AGTPBP1: variants seen among roughly 807,000 people sequenced by gnomAD.
AGTPBP1 encodes the protein ATP/GTP binding carboxypeptidase 1.
In AGTPBP1, 70 loss-of-function variants were observed where a neutral mutation model predicts 143.9. That is an observed-to-expected ratio of 0.49 (90% CI 0.40 to 0.59). The LOEUF is 0.59. AGTPBP1 is among the 20% of genes least tolerant of loss of function. The pLI, the probability that AGTPBP1 is intolerant of heterozygous loss-of-function variation, is 0.00. For missense variants in AGTPBP1, 1,229 were observed against 1,464.5 expected (o/e 0.84, Z 2.62); for synonymous variants, 463 against 500.2 (o/e 0.93, Z 0.99).
intron 1 of AGTPBP1, 31 bp downstream of exon 1, chr9:85,741,744 C>A (rs1473820841): frequency 2.3e-6 from 3 of 1,288,986 alleles, no homozygotes; most frequent in Non-Finnish European, 2.9e-6. Flanking sequence ...GACGGCCGGC[C>A]GGGACATGAG....
chr9:85,677,524 C>G lies in AGTPBP1; in HGVS notation c.348G>C (p.Gln116His). 6.2e-7 allele frequency: 1 copy of G among 1,602,198 alleles called. No individual in the cohort carries two copies. Among genetic ancestry groups the G allele is most frequent in the Non-Finnish European group, 8.5e-7 (1 of 1,174,414 alleles). ...ATTCTTTGCTGGCATTCATAAGTAA[C>G]TGCAACAATATTTGTGAACCACCTT... ...VTKGGSQILL[Q>H]LLMNASKESP... Residue 116 changes from glutamine to histidine, a missense_variant, in exon 6 of 26, where the codon CAG becomes CAC. Coordinates refer to ENST00000357081, the MANE Select transcript of AGTPBP1 (RefSeq NM_001330701.2).
chr9:85,682,435 C>T (rs748923599), intron 3 of AGTPBP1, among the ~76,000 whole-genome samples: 2 of 152,144 alleles, frequency 1.3e-5, no homozygotes, highest in African/African-American at 2.4e-5. Context: ...CTGTACAAGT[C>T]GCTGAGCAAA....
chr9:85,743,458 G>C (rs749805691), upstream of AGTPBP1, among the ~76,000 whole-genome samples: 19 of 152,050 alleles, frequency 1.2e-4, no homozygotes, highest in African/African-American at 2.2e-4. Flanking sequence ...TATGTTTTGC[G>C]GTAATTAAGA....
intron 25 of AGTPBP1, among the ~76,000 whole-genome samples, chr9:85,560,218 A>AG (rs772593720): frequency 1.3e-5 from 2 of 152,188 alleles, no homozygotes; most frequent in Non-Finnish European, 2.9e-5. Context: ...AGGGAAATCA[A>AG]GGGAAAAAAA....
At chr9:85,637,635 A>G (rs1196873312) in intron 13 of AGTPBP1, among the ~76,000 whole-genome samples, 1 of 152,234 alleles carries the variant, frequency 6.6e-6, no homozygotes, top group Non-Finnish European at 1.5e-5. Flanking sequence ...AGAGCAGATC[A>G]GCAGTCATCT....
chr9:85,633,391 A>C lies in AGTPBP1; in HGVS notation c.1303-17T>G. ...ATCATAGTCCTTTGAAAATAAAAAC[A>C]TGTTTAATCTTTTAACTGTAAATAT... is the stretch of plus-strand genomic sequence containing the variant. On this transcript the variant is annotated splice_polypyrimidine_tract_variant and intron_variant, in intron 13 of 25. Coordinates refer to ENST00000357081, the MANE Select transcript of AGTPBP1 (RefSeq NM_001330701.2). The C allele has an allele frequency of 6.7e-7, 1 of 1,482,536 alleles. No homozygotes were observed. Among genetic ancestry groups the C allele is most frequent in the Non-Finnish European group, 9.0e-7 (1 of 1,105,910 alleles). The allele number at this position is 1,482,536 out of a possible 1,614,324, so 91.8% of individuals were successfully genotyped here.
In AGTPBP1 at chr9:85,665,783, C is replaced by T. The variant is rs189207413; in HGVS notation, c.662+3702G>A. ...CCCAGTTCTTTCAGATGGCAACACC[C>T]ATTGTGTATGTTTCTTATTATTTCC... On this transcript the variant is annotated intron_variant, in intron 8 of 25. Transcript: ENST00000357081. Among the ~76,000 whole-genome samples the T allele has an allele frequency of 1.4e-4, 21 of 152,166 alleles. 1 individual carries two copies. In the East Asian group the frequency reaches 4.0e-3, roughly 29 times the overall value.
chr9:85,765,403 C>T, the AGTPBP1 span, among the ~76,000 whole-genome samples: 1 of 152,066 alleles, frequency 6.6e-6, no homozygotes, highest in African/African-American at 2.4e-5. Context: ...CTATGTCCAG[C>T]CAAATAGATG....
At chr9:85,763,811 G>T in the AGTPBP1 span, among the ~76,000 whole-genome samples, 1 of 152,096 alleles carries the variant, frequency 6.6e-6, no homozygotes, top group African/African-American at 2.4e-5. Flanking sequence ...AAGCTTGGGG[G>T]AGGGGAATGC....
rs138666377 is a variant in AGTPBP1 at position 85,737,833 on chromosome 9, A to G, written c.-34+3942T>C. On this transcript the variant is annotated intron_variant, in intron 1 of 25. Coordinates refer to ENST00000357081, the MANE Select transcript of AGTPBP1 (RefSeq NM_001330701.2). ...ATAATACCAAACAAGAATGTCCACA[A>G]TTATCGGAAAAGGCTATTAAAATGC... Among the ~76,000 whole-genome samples, 217 of 152,300 alleles carry G rather than the reference A, an allele frequency of 1.4e-3. 4 individuals are homozygous for G. The highest frequency in any genetic ancestry group is 2.5e-4 in the Non-Finnish European group (17 of 68,020).
chr9:85,555,240 T>A (rs1474309126), intron 25 of AGTPBP1, among the ~76,000 whole-genome samples: 1 of 152,080 alleles, frequency 6.6e-6, no homozygotes, highest in Non-Finnish European at 1.5e-5. Context: ...GCAAAATTGC[T>A]AAAAACCAGA....
At chr9:85,748,919 T>A in the AGTPBP1 span, among the ~76,000 whole-genome samples, 1 of 151,946 alleles carries the variant, frequency 6.6e-6, no homozygotes, top group Non-Finnish European at 1.5e-5. Flanking sequence ...AAGAAGACAC[T>A]GTCTTCTTCA....
rs547921037 is a variant in AGTPBP1, at chr9:85,548,808, G to C, written c.3504-1522C>G. 8.4e-4 allele frequency among the ~76,000 whole-genome samples: 128 copies of C among 151,966 alleles called. 1 individual carries two copies. Among genetic ancestry groups the C allele is most frequent in the South Asian group, 2.1e-3 (10 of 4,814 alleles). On this transcript the variant is annotated intron_variant, in intron 25 of 25. Transcript: ENST00000357081. ...TCCTGCCTCAGCCTCCTGACTAGCT[G>C]GGACTACAGGCCCCCACCACCATGC...
In AGTPBP1 at chr9:85,633,281, A is replaced by G. The variant is rs1452638100; in HGVS notation, c.1396T>C (p.Ser466Pro). The change falls in exon 14 of 26, where the codon TCT (serine) becomes CCT (proline). Residue 466 changes from serine (S) to proline (P), a missense_variant. Physicochemically the swap from Ser to Pro is moderately conservative, Grantham distance 74. Around this residue, in one of 2 missense-constraint regions of AGTPBP1, gnomAD observed 743 missense variants for 812.2 expected, o/e 0.91. Coordinates refer to ENST00000357081, the MANE Select transcript of AGTPBP1 (RefSeq NM_001330701.2). ...TTTCTTAAATTGCCAGAATTCCCAG[A>G]TGTTTCCTCGCCTGCCGTAGGAACA... ...IVVPTAGEET[S>P]GNSGNLRKVV... The G allele has an allele frequency of 6.2e-7, 1 of 1,613,926 alleles. No individual in the cohort carries two copies. The highest frequency in any genetic ancestry group is 1.7e-5 in the Admixed American group (1 of 59,978).
intron 8 of AGTPBP1, among the ~76,000 whole-genome samples, chr9:85,666,837 A>G (rs1299611599): frequency 6.6e-6 from 1 of 152,130 alleles, no homozygotes; most frequent in African/African-American, 2.4e-5. Flanking sequence ...AATAAATAAA[A>G]GCATAACTAA....
intron 14 of AGTPBP1, among the ~76,000 whole-genome samples, chr9:85,630,582 C>T (rs147294713): frequency 1.6e-4 from 24 of 152,094 alleles, no homozygotes; most frequent in African/African-American, 5.3e-4. Context: ...TGGGTTCAAG[C>T]GATGCTCCTC....
intron 17 of AGTPBP1, among the ~76,000 whole-genome samples, chr9:85,601,265 CCTCA>C (rs1199564973): frequency 1.3e-5 from 2 of 152,182 alleles, no homozygotes; most frequent in African/African-American, 4.8e-5. Flanking sequence ...CTGCTGCTGC[CCTCA>C]CTCAAACACT....
At chr9:85,599,241 A>G (rs1420410178) in intron 17 of AGTPBP1, among the ~76,000 whole-genome samples, 1 of 151,852 alleles carries the variant, frequency 6.6e-6, no homozygotes, top group African/African-American at 2.4e-5. Flanking sequence ...GAGAGATCCC[A>G]CTAAACTGTG....
intron 25 of AGTPBP1, among the ~76,000 whole-genome samples, chr9:85,566,731 G>A (rs190352043): frequency 6.6e-5 from 10 of 152,220 alleles, no homozygotes. Context: ...TGGGTGTGCC[G>A]CCAGGTCCAA....
Sources: gnomAD v4.1 joint callset for allele counts (sites outside exome capture counted in the v4.1 genomes callset) on GRCh38, gnomAD v4.1.1 for gene constraint, gnomAD v4.1.1 regional missense constraint, MANE v1.5 for transcripts, NCBI Gene and HGNC (gene_info 2026-07-23, HGNC 2026-07-21) for gene names.